Variants in SBF2 observed in about 807,000 individuals in gnomAD.
The protein encoded by SBF2 is SET binding factor 2, also known as myotubularin-related protein 13.
Under a neutral mutation model 225.2 loss-of-function variants are expected in SBF2, and 112 were observed. The ratio of observed to expected loss-of-function variants is 0.50; its 90% CI spans 0.43 to 0.58. The LOEUF is 0.58. SBF2 is among the 20% of genes least tolerant of loss of function. SBF2 has a pLI of 0.00. For missense variants in SBF2, 1,996 were observed against 2,206.2 expected, an observed-to-expected ratio of 0.90 and a Z score of 1.91; for synonymous variants, 763 against 773.3, an observed-to-expected ratio of 0.99 and a Z score of 0.22.
intron 16 of SBF2, among the ~76,000 whole-genome samples, chr11:9,919,648 T>A (rs943275165): frequency 1.3e-5 from 2 of 152,162 alleles, no homozygotes; most frequent in Non-Finnish European, 2.9e-5. Context: ...CATAACCAAT[T>A]AGGTCAGGGG....
chr11:9,866,608 G>C (rs56981829), intron 17 of SBF2, among the ~76,000 whole-genome samples: 54,774 of 152,032 alleles, frequency 0.36, 10,417 homozygotes, highest in African/African-American at 0.49. Context: ...AATGTAAGAC[G>C]TGAAACTATG....
chr11:10,245,415 C>T lies in SBF2; in HGVS notation c.55+48600G>A, dbSNP rs570137164. On this transcript the variant is annotated intron_variant, in intron 1 of 39. Coordinates refer to ENST00000256190, the MANE Select transcript of SBF2 (RefSeq NM_030962.4). ...CCAGCCTGGGCAACACAGCGGGACC[C>T]TATCTATAACAATTTTAAAACAAAC... 3.4e-3 allele frequency among the ~76,000 whole-genome samples: 517 copies of T among 151,804 alleles called. 4 individuals are homozygous for T. Among genetic ancestry groups the T allele is most frequent in the African/African-American group, 0.012 (493 of 41,270 alleles).
intron 17 of SBF2, among the ~76,000 whole-genome samples, chr11:9,874,574 C>G (rs764138775): frequency 6.6e-6 from 1 of 152,290 alleles, no homozygotes; most frequent in Non-Finnish European, 1.5e-5. Context: ...ATGATATAGT[C>G]AACTGTGGGT....
At chr11:10,151,422 G>T (rs1468186541) in intron 2 of SBF2, among the ~76,000 whole-genome samples, 2 of 152,130 alleles carry the variant, frequency 1.3e-5, no homozygotes, top group Non-Finnish European at 2.9e-5. Flanking sequence ...CTTTGAAAAT[G>T]GTAAAAGTGG....
chr11:9,860,572 C>T (rs936515439), intron 17 of SBF2, among the ~76,000 whole-genome samples: 1 of 151,932 alleles, frequency 6.6e-6, no homozygotes, highest in South Asian at 2.1e-4. Flanking sequence ...CTCGAGTGAT[C>T]CACCTGCCTT....
At chr11:10,182,781 A>AT (rs962286958) in intron 2 of SBF2, among the ~76,000 whole-genome samples, 69 of 143,596 alleles carry the variant, frequency 4.8e-4, no homozygotes, top group East Asian at 1.4e-3. Flanking sequence ...TTGTTTTTTA[A>AT]TTTTTTTTTT....
At chr11:10,188,723 C>T (rs1156675001) in intron 2 of SBF2, among the ~76,000 whole-genome samples, 1 of 152,206 alleles carries the variant, frequency 6.6e-6, no homozygotes, top group Non-Finnish European at 1.5e-5. Flanking sequence ...ACCTCACATG[C>T]ACTTTCCAGA....
In SBF2 at chr11:10,294,085, GCTCGGGAAGCGGGTCCCCGTCGCCGCC is replaced by G. The variant is rs1474129970; in HGVS notation, c.-43_-17del. 2.2e-6 allele frequency: 3 copies of G among 1,356,804 alleles called. No homozygotes were observed. In the East Asian group the frequency reaches 9.5e-5, roughly 43 times the overall value. 84.0% of individuals were successfully genotyped at this position (1,356,804 alleles called of 1,614,324 possible). On this transcript the variant is annotated 5_prime_UTR_variant, in exon 1 of 40. Coordinates refer to ENST00000256190, the MANE Select transcript of SBF2 (RefSeq NM_030962.4). Reference sequence around the variant, plus strand: ...GCCGGGCCATGGCCGCCGCCGCCGCGCTCGGGAAGCGGGTCCCCGTCGCCGCCCTCGCCGCCGCCGCCCACCCGGCCC... The same window carrying G: ...GCCGGGCCATGGCCGCCGCCGCCGCGCTCGCCGCCGCCGCCCACCCGGCCC...
In SBF2 at chr11:9,821,341, G is replaced by A. The variant is rs142214129; in HGVS notation, c.3794-4317C>T. On this transcript the variant is annotated intron_variant, in intron 28 of 39. Transcript: ENST00000256190. ...TATTTGCACTGAAAGAGTGAAAAGG[G>A]GGTATTAAACAAAAAATATTAAGGA... Among the ~76,000 whole-genome samples, 298 of 152,216 alleles carry A rather than the reference G, an allele frequency of 2.0e-3. 3 individuals carry two copies. Among genetic ancestry groups the A allele is most frequent in the African/African-American group, 7.0e-3 (290 of 41,512 alleles).
intron 6 of SBF2, among the ~76,000 whole-genome samples, chr11:10,015,872 G>C (rs1015486785): frequency 1.3e-5 from 2 of 151,690 alleles, no homozygotes; most frequent in African/African-American, 4.8e-5. Context: ...GCACGATTTC[G>C]GCTCACTGCA....
intron 2 of SBF2, among the ~76,000 whole-genome samples, chr11:10,131,217 T>C (rs988667253): frequency 6.6e-6 from 1 of 150,382 alleles, no homozygotes; most frequent in Non-Finnish European, 1.5e-5. Context: ...ACATTTAATA[T>C]TGCCACTAAT....
intron 2 of SBF2, among the ~76,000 whole-genome samples, chr11:10,073,150 C>T (rs994775779): frequency 6.6e-6 from 1 of 151,878 alleles, no homozygotes; most frequent in African/African-American, 2.4e-5. Context: ...TACAGGGTTG[C>T]TGTGAATATG....
chr11:10,208,374 G>C (rs1167719599), intron 1 of SBF2, among the ~76,000 whole-genome samples: 1 of 152,060 alleles, frequency 6.6e-6, no homozygotes, highest in Non-Finnish European at 1.5e-5. Context: ...TCAATAACTT[G>C]TCTGCTGGCA....
chr11:9,979,682 T>C (rs1946856034), intron 13 of SBF2, among the ~76,000 whole-genome samples: 2 of 152,236 alleles, frequency 1.3e-5, no homozygotes, highest in South Asian at 4.1e-4. Context: ...ACCAGTATTA[T>C]GATTTAATGT....
chr11:9,935,310 C>G (rs916536844), intron 16 of SBF2, among the ~76,000 whole-genome samples: 1 of 152,030 alleles, frequency 6.6e-6, no homozygotes, highest in Non-Finnish European at 1.5e-5. Context: ...AAAGAGGACA[C>G]AAAGAAATGG....
intron 35 of SBF2, chr11:9,787,990 A>T (rs1852485711): frequency 1.9e-6 from 1 of 518,534 alleles, no homozygotes; most frequent in East Asian, 3.6e-5. Context: ...TAGCTTACAT[A>T]CTAGGATGTG....
intron 2 of SBF2, among the ~76,000 whole-genome samples, chr11:10,074,090 C>G (rs570434122): frequency 6.6e-6 from 1 of 152,226 alleles, no homozygotes; most frequent in Admixed American, 6.5e-5. Flanking sequence ...GTTTGCTTCA[C>G]AATAATCCAA....
At chr11:9,792,664 G>A (rs1852826534) in intron 33 of SBF2, among the ~76,000 whole-genome samples, 2 of 152,132 alleles carry the variant, frequency 1.3e-5, no homozygotes, top group South Asian at 4.1e-4. Flanking sequence ...TGTTGATTAG[G>A]TGGGTGGCCT....
At chr11:10,096,610 T>C (rs1240517829) in intron 2 of SBF2, among the ~76,000 whole-genome samples, 1 of 152,086 alleles carries the variant, frequency 6.6e-6, no homozygotes, top group East Asian at 1.9e-4. Context: ...ATTATGCAAG[T>C]ACAAAATAAC....
Sources: gnomAD v4.1 joint callset for allele counts (sites outside exome capture counted in the v4.1 genomes callset) on GRCh38, gnomAD v4.1.1 for gene constraint, MANE v1.5 for transcripts, NCBI Gene and HGNC (gene_info 2026-07-23, HGNC 2026-07-21) for gene names.